MIB1: variants seen among roughly 807,000 people sequenced by gnomAD.
MIB1 encodes the protein MIB E3 ubiquitin protein ligase 1.
Under a neutral mutation model 124.5 loss-of-function variants are expected in MIB1, and 278 were observed. The ratio of observed to expected loss-of-function variants is 2.23; its 90% CI spans 2.02 to 2.47. MIB1 has a LOEUF of 2.47. Ranked by LOEUF, MIB1 falls within the 30% of genes most tolerant of loss-of-function variation. The probability of loss-of-function intolerance (pLI) is 0.00; values close to 1 mark genes in which losing one functional copy is unlikely to be tolerated. For missense variants in MIB1, 957 were observed against 1,254.4 expected, an observed-to-expected ratio of 0.76 and a Z score of 3.58; for synonymous variants, 446 against 429.4, an observed-to-expected ratio of 1.04 and a Z score of -0.48.
At chr18:21,863,655 G>A (rs2042295912) in intron 20 of MIB1, among the ~76,000 whole-genome samples, 1 of 152,026 alleles carries the variant, frequency 6.6e-6, no homozygotes, top group African/African-American at 2.4e-5. Context: ...GGGCAGGGTG[G>A]GCTGTGGGTA....
At chr18:21,745,017 A>G (rs1056057888) in intron 1 of MIB1, among the ~76,000 whole-genome samples, 1 of 152,240 alleles carries the variant, frequency 6.6e-6, no homozygotes, top group African/African-American at 2.4e-5. Context: ...GAGCACATAG[A>G]AGCTTGTATA....
intron 12 of MIB1, chr18:21,830,768 G>T (rs548456061): frequency 6.6e-6 from 1 of 152,164 alleles, no homozygotes; most frequent in African/African-American, 2.4e-5. Context: ...GAAGGAAGGG[G>T]ATGTATCAGT....
Position 21,799,915 on chromosome 18 carries a change from GC to G in MIB1, c.1313del (p.Ala438ValfsTer21). ...TGACCTCAATGAAGAATTAGTTAAG[GC>G]TGCTGCCAATGGAGATGTTGCTAAA... is the stretch of plus-strand genomic sequence containing the variant. Reference protein sequence around the residue: ...SGDLNEELVKAAANGDVAKVE... With the variant: ...SGDLNEELVKXAANGDVAKVE... On this transcript the variant is annotated frameshift_variant, in exon 9 of 21. Transcript: ENST00000261537. LOFTEE classifies it high-confidence loss of function. The G allele has an allele frequency of 1.2e-6, 2 of 1,612,386 alleles. No individual in the cohort carries two copies. Among genetic ancestry groups the G allele is most frequent in the Non-Finnish European group, 1.7e-6 (2 of 1,178,854 alleles).
rs779448637 is a variant in MIB1 at position 21,798,164 on chromosome 18, A to G, written c.1173A>G (p.Thr391=). The change falls in exon 8 of 21, where the codon ACA becomes ACG. Residue 391 remains threonine (T), a synonymous_variant. Transcript: ENST00000261537. ...LKVEVCGTSW[T]YNPAAVSKVA... ...TGGAAGTTTGTGGAACATCTTGGAC[A>G]TACAATCCAGCAGCAGTTTCCAAGG... The G allele has an allele frequency of 6.2e-6, 10 of 1,613,304 alleles. No individual in the cohort carries two copies. The South Asian group carries it at 6.6e-5, about 11-fold the overall frequency.
In MIB1 at chr18:21,775,338, C is replaced by G. The variant is rs144659681; in HGVS notation, c.636+1610C>G. On this transcript the variant is annotated intron_variant, in intron 4 of 20. Coordinates refer to ENST00000261537, the MANE Select transcript of MIB1 (RefSeq NM_020774.4). ...CACTGAAGTCCTGAACTCCTGGGCT[C>G]AAACAAACCTCCCACCTCAACCTCT... 1.3e-5 allele frequency among the ~76,000 whole-genome samples: 2 copies of G among 152,296 alleles called. 1 individual carries two copies. The highest frequency in any genetic ancestry group is 4.1e-4 in the South Asian group (2 of 4,830).
rs1472007489 is a variant in MIB1 at position 21,819,561 on chromosome 18, CT to C, written c.1748del (p.Leu583TrpfsTer23). The C allele has an allele frequency of 6.2e-7, 1 of 1,611,256 alleles. No homozygotes were observed. Among genetic ancestry groups the C allele is most frequent in the Non-Finnish European group, 8.5e-7 (1 of 1,177,806 alleles). On this transcript the variant is annotated frameshift_variant, in exon 12 of 21. Transcript: ENST00000261537. LOFTEE classifies it high-confidence loss of function. ...GAAACGTGATGATATCCTAGCAGTT[CT>C]TTTGGAAGCTGGAGCAGATGTTACC... ...SKKRDDILAVLLEAGADVTIT... is the reference protein window; with the variant it reads ...SKKRDDILAVXLEAGADVTIT...
chr18:21,853,173 G>A lies in MIB1; in HGVS notation c.2620G>A (p.Ala874Thr). ...EECVVCSDKK[A>T]AVLFQPCGHM... The stretch of plus-strand genomic sequence containing the variant: ...ATGTGTGGTATGCTCTGACAAGAAA[G>A]CAGCTGTTCTTTTTCAACCCTGTGG... Residue 874 changes from alanine (A) to threonine (T), a missense_variant, in exon 18 of 21, where the codon GCA (alanine) becomes ACA (threonine). By Grantham distance (58) the Ala-to-Thr change is moderately conservative. Coordinates refer to ENST00000261537, the MANE Select transcript of MIB1 (RefSeq NM_020774.4). 1.9e-6 allele frequency: 3 copies of A among 1,613,620 alleles called. No homozygotes were observed. The highest frequency in any genetic ancestry group is 2.5e-6 in the Non-Finnish European group (3 of 1,179,722).
At chr18:21,726,726 T>C (rs2040743721) in intron 1 of MIB1, among the ~76,000 whole-genome samples, 1 of 152,194 alleles carries the variant, frequency 6.6e-6, no homozygotes, top group East Asian at 1.9e-4. Context: ...GATGCATTAG[T>C]CCCTGGAACA....
At chr18:21,857,097 C>T in intron 18 of MIB1, 33 bp from the exon 19 acceptor site, 1 of 1,424,698 alleles carries the variant, frequency 7.0e-7, no homozygotes, top group Non-Finnish European at 9.9e-7. Context: ...AATGTTCTCT[C>T]TTGTAAGAAG....
chr18:21,730,330 G>A (rs1385140215), intron 1 of MIB1, among the ~76,000 whole-genome samples: 1 of 152,178 alleles, frequency 6.6e-6, no homozygotes, highest in Admixed American at 6.5e-5. Flanking sequence ...ACTTCGGGAG[G>A]CCGAGGCGGG....
chr18:21,810,641 A>G (rs181103471), intron 10 of MIB1, among the ~76,000 whole-genome samples: 6 of 151,954 alleles, frequency 3.9e-5, no homozygotes, highest in East Asian at 1.9e-4. Context: ...GAAAAGAGCA[A>G]TCTTTTAAAC....
chr18:21,789,790 CAAAG>C lies in MIB1; in HGVS notation c.909-1581_909-1578del, dbSNP rs940029920. Among the ~76,000 whole-genome samples the C allele has an allele frequency of 2.6e-5, 4 of 152,048 alleles. No individual in the cohort carries two copies. The South Asian group carries it at 6.2e-4, about 24-fold the overall frequency. On this transcript the variant is annotated intron_variant, in intron 6 of 20. Coordinates refer to ENST00000261537, the MANE Select transcript of MIB1 (RefSeq NM_020774.4). ...TCAAAAAAAGAAAAAATAAAGCAAA[CAAAG>C]AACAGTTTACTTGTGTGGTTACAGA...
At chr18:21,845,028 T>G (rs1302723265) in intron 15 of MIB1, among the ~76,000 whole-genome samples, 2 of 151,986 alleles carry the variant, frequency 1.3e-5, no homozygotes, top group Non-Finnish European at 2.9e-5. Context: ...TTTTTTTTTT[T>G]GAGATGGAGT....
At chr18:21,862,960 G>A (rs867687979) in intron 20 of MIB1, among the ~76,000 whole-genome samples, 5 of 152,234 alleles carry the variant, frequency 3.3e-5, no homozygotes, top group Middle Eastern at 3.4e-3. Flanking sequence ...TTCCTATTAC[G>A]TTTTGGTTTA....
intron 12 of MIB1, among the ~76,000 whole-genome samples, chr18:21,837,853 A>G (rs1323284521): frequency 6.6e-6 from 1 of 152,212 alleles, no homozygotes; most frequent in Non-Finnish European, 1.5e-5. Flanking sequence ...AAGATGGTTC[A>G]GCATATATAG....
intron 1 of MIB1, among the ~76,000 whole-genome samples, chr18:21,721,645 T>C (rs1360459575): frequency 6.6e-6 from 1 of 152,144 alleles, no homozygotes; most frequent in Non-Finnish European, 1.5e-5. Flanking sequence ...GAAAAGCAAT[T>C]GTGTATGTAT....
intron 2 of MIB1, among the ~76,000 whole-genome samples, chr18:21,766,311 T>C (rs2041158191): frequency 6.6e-6 from 1 of 152,216 alleles, no homozygotes; most frequent in African/African-American, 2.4e-5. Flanking sequence ...ATTGAGTCAG[T>C]AGGCATTTAT....
rs1219210993 is a variant in MIB1 at position 21,803,991 on chromosome 18, C to T, written c.1456C>T (p.Gln486Ter). Residue 486 changes from glutamine (Q) to a stop codon, truncating the protein, a stop_gained, in exon 10 of 21, where the codon CAA becomes TAA. Coordinates refer to ENST00000261537, the MANE Select transcript of MIB1 (RefSeq NM_020774.4). LOFTEE classifies it high-confidence loss of function. ...HVDILKLLLKQNVDVEAEDKD... is the reference protein window; with the variant it reads ...HVDILKLLLK Reference sequence around the variant, plus strand: ...TGACATTTTGAAGTTACTTTTGAAGCAAAACGTGGATGTCGAAGCAGAGGT... The same window carrying T: ...TGACATTTTGAAGTTACTTTTGAAGTAAAACGTGGATGTCGAAGCAGAGGT... 1.2e-6 allele frequency: 2 copies of T among 1,613,210 alleles called. No homozygotes were observed. The highest frequency in any genetic ancestry group is 1.7e-6 in the Non-Finnish European group (2 of 1,179,484).
At chr18:21,734,534 T>G (rs2040787171) in intron 1 of MIB1, among the ~76,000 whole-genome samples, 1 of 151,418 alleles carries the variant, frequency 6.6e-6, no homozygotes, top group Admixed American at 6.6e-5. Context: ...TCTCTTTCTC[T>G]CTTTCTTTCT....
Sources: allele counts gnomAD v4.1 joint callset (sites outside exome capture counted in the v4.1 genomes callset), GRCh38; gene constraint gnomAD v4.1.1; transcripts MANE v1.5; gene names NCBI Gene and HGNC (gene_info 2026-07-23, HGNC 2026-07-21).